The following CDK12 variants were observed in gnomAD, a reference collection of about 807,000 sequenced individuals.
The protein encoded by CDK12 is cyclin dependent kinase 12, also known as cyclin-dependent kinase 12.
CDK12 carries 17 observed loss-of-function variants against 133.8 expected under a neutral mutation model. The observed-to-expected ratio is 0.13, with a 90% CI of 0.09 to 0.19. The LOEUF (loss-of-function observed/expected upper bound fraction) is 0.19, where lower values mean the gene tolerates loss of function less well. CDK12 is among the 10% of genes least tolerant of loss of function. The pLI, the probability that CDK12 is intolerant of heterozygous loss-of-function variation, is 1.00. For synonymous variants in CDK12, 694 were observed against 683.6 expected (o/e 1.02, Z -0.24); for missense variants, 1,508 against 1,818.7 (o/e 0.83, Z 3.11).
chr17:39,512,194 ATCC>A (rs1287189824), intron 8 of CDK12, among the ~76,000 whole-genome samples: 4 of 152,110 alleles, frequency 2.6e-5, no homozygotes, highest in Admixed American at 6.6e-5. Context: ...GGCTCAAGCA[ATCC>A]TCCTGCCTCA....
intron 11 of CDK12, among the ~76,000 whole-genome samples, chr17:39,520,392 G>GTTTA (rs910719175): frequency 1.5e-4 from 23 of 151,990 alleles, no homozygotes; most frequent in South Asian, 6.2e-4. Flanking sequence ...TTGTGGGTTG[G>GTTTA]TTTATTTATT....
At chr17:39,539,592 C>T (rs2055312733) in intron 1 of CDK12, among the ~76,000 whole-genome samples, 2 of 152,128 alleles carry the variant, frequency 1.3e-5, no homozygotes, top group Non-Finnish European at 1.5e-5. Flanking sequence ...ACAGGACAAC[C>T]TCTGAGGAAG....
At chr17:39,465,828 C>G (rs1196962619) in intron 1 of CDK12, among the ~76,000 whole-genome samples, 1 of 152,210 alleles carries the variant, frequency 6.6e-6, no homozygotes. Context: ...AAAAAGTATT[C>G]TTAGGATATT....
At chr17:39,554,911 AAAG>A (rs1394234461) in intron 2 of CDK12, among the ~76,000 whole-genome samples, 15 of 150,676 alleles carry the variant, frequency 1.0e-4, no homozygotes, top group African/African-American at 3.4e-4. Flanking sequence ...AAAAAAAAAA[AAAG>A]AGTAACAGCG....
chr17:39,524,440 A>G (rs1048976443), intron 11 of CDK12, among the ~76,000 whole-genome samples: 7 of 152,204 alleles, frequency 4.6e-5, no homozygotes, highest in South Asian at 2.1e-4. Context: ...AGTATTAGCA[A>G]GATCCTCCTT....
At position 39,475,609 on chromosome 17, in the gene CDK12, G is replaced by T. The variant is rs1486988844; in HGVS notation, c.1931+3846G>T. Reference sequence around the variant, plus strand: ...GTTGTCCGGGCTGGAGTGCAGTGGCGATCTTGGCTCACTGCAAACTCCATC... The same window carrying T: ...GTTGTCCGGGCTGGAGTGCAGTGGCTATCTTGGCTCACTGCAAACTCCATC... On this transcript the variant is annotated intron_variant, in intron 2 of 13. Transcript: ENST00000447079. 2.7e-5 allele frequency among the ~76,000 whole-genome samples: 4 copies of T among 148,400 alleles called. No individual in the cohort carries two copies. The Admixed American group carries it at 2.7e-4, about 10-fold the overall frequency.
At chr17:39,537,852 G>A (rs1296433529), downstream of CDK12, among the ~76,000 whole-genome samples, 2 of 152,016 alleles carry the variant, frequency 1.3e-5, no homozygotes, top group Non-Finnish European at 2.9e-5. Flanking sequence ...GTGAGCCACC[G>A]CGCCCAGCTT....
chr17:39,471,006 A>G lies in CDK12; in HGVS notation c.1174A>G (p.Asn392Asp), dbSNP rs2049751565. The G allele has an allele frequency of 1.2e-6, 2 of 1,614,180 alleles. No individual in the cohort carries two copies. The highest frequency in any genetic ancestry group is 1.7e-5 in the Admixed American group (1 of 60,000). Residue 392 changes from asparagine (N) to aspartate (D), a missense_variant, in exon 2 of 14, where the codon AAT becomes GAT. By Grantham distance (23) the Asn-to-Asp change is conservative (BLOSUM62 1). Around this residue, in one of 9 missense-constraint regions of CDK12, gnomAD observed 4 missense variants for 25.5 expected, o/e 0.16. Coordinates refer to ENST00000447079, the MANE Select transcript of CDK12 (RefSeq NM_016507.4). ...SSISPVRLPLNSSLGAELSRK... is the reference protein window; with the variant it reads ...SSISPVRLPLDSSLGAELSRK... ...TATCTCACCTGTCAGGCTTCCACTTAATTCCAGTCTGGGAGCTGAACTCAG... is the reference window on the plus strand; with the variant it reads ...TATCTCACCTGTCAGGCTTCCACTTGATTCCAGTCTGGGAGCTGAACTCAG...
intron 5 of CDK12, among the ~76,000 whole-genome samples, chr17:39,498,592 C>T (rs1354661715): frequency 6.6e-6 from 1 of 152,094 alleles, no homozygotes; most frequent in Non-Finnish European, 1.5e-5. Context: ...TACATTGGTG[C>T]AATCACAGCT....
intron 6 of CDK12, among the ~76,000 whole-genome samples, chr17:39,505,354 G>A (rs191753190): frequency 1.3e-5 from 2 of 151,696 alleles, no homozygotes; most frequent in Admixed American, 6.6e-5. Flanking sequence ...GTGAAACCCC[G>A]TCTCTACTAA....
At chr17:39,486,584 T>C (rs2051151086) in intron 2 of CDK12, among the ~76,000 whole-genome samples, 1 of 152,094 alleles carries the variant, frequency 6.6e-6, no homozygotes, top group African/African-American at 2.4e-5. Flanking sequence ...CTTGTTCTTC[T>C]AGTGAAGCCA....
chr17:39,473,879 C>A (rs1332268165), intron 2 of CDK12, among the ~76,000 whole-genome samples: 1 of 148,900 alleles, frequency 6.7e-6, no homozygotes. Flanking sequence ...AGCCAGACTC[C>A]GTCTCAAAAA....
Position 39,531,465 on chromosome 17 carries a change from C to G in CDK12, c.*149C>G. 1 of 717,258 alleles carries G rather than the reference C, an allele frequency of 1.4e-6. No individual in the cohort carries two copies. Among genetic ancestry groups the G allele is most frequent in the South Asian group, 5.6e-5 (1 of 17,928 alleles). The allele number at this position is 717,258 out of a possible 1,614,324, so 44.4% of individuals were successfully genotyped here. On this transcript the variant is annotated 3_prime_UTR_variant, in exon 14 of 14. Transcript: ENST00000447079. The stretch of plus-strand genomic sequence containing the variant: ...GTCCGTTGTATTCCTTGCTCACTTG[C>G]TACTAGCAGGCGACTTACGAAATAA...
downstream of CDK12, among the ~76,000 whole-genome samples, chr17:39,538,248 ACTC>A (rs1291553164): frequency 1.3e-5 from 2 of 152,172 alleles, no homozygotes; most frequent in Non-Finnish European, 1.5e-5. Flanking sequence ...GAATTTCAAA[ACTC>A]CTGCAAGTGG....
At chr17:39,484,983 A>C (rs1209551831) in intron 2 of CDK12, among the ~76,000 whole-genome samples, 1 of 152,094 alleles carries the variant, frequency 6.6e-6, no homozygotes, top group Non-Finnish European at 1.5e-5. Flanking sequence ...ATCCTGGCTA[A>C]CATGGTGAAA....
chr17:39,474,094 G>A (rs886120222), intron 2 of CDK12, among the ~76,000 whole-genome samples: 6 of 152,062 alleles, frequency 3.9e-5, no homozygotes, highest in African/African-American at 9.7e-5. Flanking sequence ...ATCTTGACAG[G>A]ACTAACTAGG....
chr17:39,513,838 T>C (rs1348492255), intron 8 of CDK12, among the ~76,000 whole-genome samples: 1 of 152,218 alleles, frequency 6.6e-6, no homozygotes, highest in Admixed American at 6.5e-5. Flanking sequence ...GATATTTTTA[T>C]GGGATTTTTT....
intron 1 of CDK12, among the ~76,000 whole-genome samples, chr17:39,467,319 T>C (rs2049415989): frequency 6.6e-6 from 1 of 152,168 alleles, no homozygotes; most frequent in South Asian, 2.1e-4. Flanking sequence ...TTGGCAGAAA[T>C]GCAGTGTCTT....
intron 5 of CDK12, 29 bp from the exon 6 acceptor site, chr17:39,501,221 G>A: frequency 7.2e-7 from 1 of 1,397,200 alleles, no homozygotes; most frequent in Non-Finnish European, 9.5e-7. Flanking sequence ...TTTTTTTCTT[G>A]CTTTTAATTT....
Sources: gnomAD v4.1 joint callset for allele counts (sites outside exome capture counted in the v4.1 genomes callset) on GRCh38, gnomAD v4.1.1 for gene constraint, gnomAD v4.1.1 regional missense constraint, MANE v1.5 for transcripts, NCBI Gene and HGNC (gene_info 2026-07-23, HGNC 2026-07-21) for gene names.